The following KCNMB4 variants were observed in gnomAD, a reference collection of about 807,000 sequenced individuals.
KCNMB4 encodes calcium-activated potassium channel subunit beta-4.
Under a neutral mutation model 20.7 loss-of-function variants are expected in KCNMB4, and 3 were observed. The ratio of observed to expected loss-of-function variants is 0.14; its 90% CI spans 0.07 to 0.37. The LOEUF (loss-of-function observed/expected upper bound fraction) is 0.37, where lower values mean the gene tolerates loss of function less well. KCNMB4 is among the 10% of genes least tolerant of loss of function. The pLI is 1.00. For synonymous variants in KCNMB4, 110 were observed against 113.4 expected, an observed-to-expected ratio of 0.97 and a Z score of 0.19; for missense variants, 168 against 265.9, an observed-to-expected ratio of 0.63 and a Z score of 2.56.
chr12:70,407,647 T>G (rs1593340057), intron 2 of KCNMB4, among the ~76,000 whole-genome samples: 3 of 151,222 alleles, frequency 2.0e-5, no homozygotes, highest in African/African-American at 4.9e-5. Flanking sequence ...TTTTGTATTT[T>G]TAGTAGAGAC....
chr12:70,420,119 G>A (rs1386632893), intron 2 of KCNMB4, among the ~76,000 whole-genome samples: 1 of 152,136 alleles, frequency 6.6e-6, no homozygotes, highest in African/African-American at 2.4e-5. Context: ...AAATACTTCT[G>A]TTGATGATTT....
intron 1 of KCNMB4, among the ~76,000 whole-genome samples, chr12:70,376,596 G>A (rs1193603195): frequency 2.6e-5 from 4 of 152,012 alleles, no homozygotes; most frequent in Non-Finnish European, 5.9e-5. Flanking sequence ...GGCTGGGCAT[G>A]ATGTCTCACG....
At chr12:70,421,636 C>G (rs916158828) in intron 2 of KCNMB4, among the ~76,000 whole-genome samples, 6 of 151,688 alleles carry the variant, frequency 4.0e-5, no homozygotes, top group Non-Finnish European at 5.9e-5. Context: ...GGCTGGAGTG[C>G]AGTGGCGCAA....
intron 1 of KCNMB4, among the ~76,000 whole-genome samples, chr12:70,399,298 T>C (rs1868394280): frequency 6.6e-6 from 1 of 152,244 alleles, no homozygotes. Context: ...GATACCTTGG[T>C]AGAACACCTA....
At chr12:70,372,738 T>C (rs936112445) in intron 1 of KCNMB4, among the ~76,000 whole-genome samples, 1 of 152,126 alleles carries the variant, frequency 6.6e-6, no homozygotes, top group Non-Finnish European at 1.5e-5. Context: ...AAGGAAATTA[T>C]TACCTAGCAG....
chr12:70,396,785 A>G (rs529404081), intron 1 of KCNMB4, among the ~76,000 whole-genome samples: 148 of 152,348 alleles, frequency 9.7e-4, no homozygotes, highest in African/African-American at 3.3e-3. Context: ...AGAGACATCC[A>G]TGGTGGAACT....
chr12:70,367,311 G>A (rs775907060), intron 1 of KCNMB4, among the ~76,000 whole-genome samples: 4 of 152,136 alleles, frequency 2.6e-5, no homozygotes, highest in Non-Finnish European at 4.4e-5. Context: ...AACCTGTCTT[G>A]CCTGGTCTCA....
At chr12:70,381,139 A>G (rs1883778780) in intron 1 of KCNMB4, among the ~76,000 whole-genome samples, 2 of 152,190 alleles carry the variant, frequency 1.3e-5, no homozygotes, top group Admixed American at 6.5e-5. Context: ...CAATGAGCAC[A>G]TGAAAAAATG....
intron 2 of KCNMB4, among the ~76,000 whole-genome samples, chr12:70,420,048 T>C (rs545863714): frequency 1.6e-4 from 24 of 151,868 alleles, no homozygotes; most frequent in Non-Finnish European, 2.8e-4. Context: ...ATAACTCAGA[T>C]TGTAGATCTG....
intron 1 of KCNMB4, among the ~76,000 whole-genome samples, chr12:70,384,664 A>G (rs1263322707): frequency 2.0e-5 from 3 of 152,170 alleles, no homozygotes; most frequent in African/African-American, 7.2e-5. Context: ...GTGAAAAGAT[A>G]ATTTGAGGAG....
chr12:70,430,830 G>A lies in KCNMB4; in HGVS notation c.*177G>A. ...CAACTGGAAGACTTGGAACCTCAAA[G>A]CTTGTATTCCATCTGCTGTAGCAAT... On this transcript the variant is annotated 3_prime_UTR_variant, in exon 3 of 3. Coordinates refer to ENST00000258111, the MANE Select transcript of KCNMB4 (RefSeq NM_014505.6). 1.8e-6 allele frequency: 1 copy of A among 563,120 alleles called. No homozygotes were observed. Among genetic ancestry groups the A allele is most frequent in the South Asian group, 2.8e-5 (1 of 36,042 alleles). 34.9% of individuals were successfully genotyped at this position (563,120 alleles called of 1,614,324 possible).
At chr12:70,419,239 A>G (rs1411648927) in intron 2 of KCNMB4, among the ~76,000 whole-genome samples, 4 of 152,218 alleles carry the variant, frequency 2.6e-5, no homozygotes, top group Non-Finnish European at 5.9e-5. Flanking sequence ...TTTCTTTAGC[A>G]CTAGGCATCG....
intron 2 of KCNMB4, among the ~76,000 whole-genome samples, chr12:70,421,608 G>A (rs1023402477): frequency 2.7e-5 from 4 of 149,618 alleles, no homozygotes; most frequent in African/African-American, 1.0e-4. Context: ...TTGAGACAGA[G>A]TCTCGCTCTG....
At chr12:70,419,128 A>G (rs1471790327) in intron 2 of KCNMB4, among the ~76,000 whole-genome samples, 1 of 152,192 alleles carries the variant, frequency 6.6e-6, no homozygotes, top group African/African-American at 2.4e-5. Flanking sequence ...CACAGCAAGC[A>G]CCTTTTGATG....
chr12:70,366,974 G>T lies in KCNMB4; in HGVS notation c.240G>T (p.Ser80=). Residue 80 remains serine, a synonymous_variant, in exon 1 of 3, where the codon TCG becomes TCT. Transcript: ENST00000258111. Reference sequence around the variant, plus strand: ...GTGGCGCCGACTGCAGGGGCACCTCGCAGTACCCCTGCGTCCAGGTCTACG... The same window carrying T: ...GTGGCGCCGACTGCAGGGGCACCTCTCAGTACCCCTGCGTCCAGGTCTACG... ...FTCGADCRGT[S]QYPCVQVYVN... 1 of 1,608,728 alleles carries T rather than the reference G, an allele frequency of 6.2e-7. No individual in the cohort carries two copies.
chr12:70,400,162 A>G (rs1039569419), intron 1 of KCNMB4, 47 bp from the exon 2 acceptor site: 18 of 1,437,404 alleles, frequency 1.3e-5, no homozygotes, highest in Middle Eastern at 1.9e-4. Flanking sequence ...CTGTATCTCA[A>G]TGTTCCATAA....
chr12:70,387,398 ATT>A (rs200125786), intron 1 of KCNMB4, among the ~76,000 whole-genome samples: 27,080 of 123,848 alleles, frequency 0.22, 2,535 homozygotes, highest in East Asian at 0.45. Flanking sequence ...AAATTTTTTA[ATT>A]TTTTTTTTTT....
chr12:70,383,057 G>A (rs1433371), intron 1 of KCNMB4, among the ~76,000 whole-genome samples: 29,792 of 152,052 alleles, frequency 0.2, 5,084 homozygotes, highest in African/African-American at 0.46. Context: ...CATAGAAAAG[G>A]TACAGTAAAA....
At chr12:70,393,305 C>T (rs1426485651) in intron 1 of KCNMB4, among the ~76,000 whole-genome samples, 2 of 152,060 alleles carry the variant, frequency 1.3e-5, no homozygotes, top group African/African-American at 4.8e-5. Context: ...CGGGTTCAAG[C>T]GATTCTCCTG....
Sources: allele counts gnomAD v4.1 joint callset (sites outside exome capture counted in the v4.1 genomes callset), GRCh38; gene constraint gnomAD v4.1.1; transcripts MANE v1.5; gene names NCBI Gene and HGNC (gene_info 2026-07-23, HGNC 2026-07-21).